The following CDKAL1 variants were observed in gnomAD, a reference collection of about 807,000 sequenced individuals.
CDKAL1 encodes CDKAL1 threonylcarbamoyladenosine tRNA methylthiotransferase.
A neutral mutation model predicts 68.2 loss-of-function variants in CDKAL1; 32 were observed. That is an observed-to-expected ratio of 0.47 (90% CI 0.35 to 0.63). The LOEUF is 0.63. Among genes scored for constraint, CDKAL1 ranks in the 30% least tolerant of loss-of-function variants. The pLI is 0.00. For synonymous variants in CDKAL1, 234 were observed against 244.3 expected (o/e 0.96, Z 0.39); for missense variants, 606 against 696.7 (o/e 0.87, Z 1.47).
chr6:20,842,733 A>G lies in CDKAL1; in HGVS notation c.639-3342A>G, dbSNP rs537762396. On this transcript the variant is annotated intron_variant, in intron 8 of 15. Coordinates refer to ENST00000274695, the MANE Select transcript of CDKAL1 (RefSeq NM_017774.3). ...GTAGTCCCAGCTACTCGGGAGCCTG[A>G]GGCAGGAGAATCGCTTGAACCCGGG... 1.0e-3 allele frequency among the ~76,000 whole-genome samples: 159 copies of G among 152,306 alleles called. 3 individuals are homozygous for G. Among genetic ancestry groups the G allele is most frequent in the Admixed American group, 0.01 (158 of 15,298 alleles).
At chr6:21,066,545 A>G (rs1771448737) in intron 12 of CDKAL1, among the ~76,000 whole-genome samples, 1 of 152,230 alleles carries the variant, frequency 6.6e-6, no homozygotes, top group Non-Finnish European at 1.5e-5. Flanking sequence ...AGTGCAACCT[A>G]CTACATGACA....
intron 7 of CDKAL1, among the ~76,000 whole-genome samples, chr6:20,773,673 G>C (rs924963390): frequency 3.3e-5 from 5 of 151,728 alleles, no homozygotes; most frequent in Admixed American, 6.6e-5. Flanking sequence ...TCAGCCTCCC[G>C]AGTAGCTGGG....
intron 4 of CDKAL1, among the ~76,000 whole-genome samples, chr6:20,557,930 T>TAAAC (rs200158880): frequency 0.034 from 5,234 of 152,040 alleles, 287 homozygotes; most frequent in African/African-American, 0.12. Context: ...GACTCCGTCT[T>TAAAC]AAACAAACAA....
intron 12 of CDKAL1, among the ~76,000 whole-genome samples, chr6:21,082,106 A>G (rs1444084606): frequency 6.6e-6 from 1 of 152,204 alleles, no homozygotes; most frequent in Non-Finnish European, 1.5e-5. Flanking sequence ...ATTAAGGACA[A>G]TATAATCAAA....
At chr6:20,735,444 A>G (rs191670811) in intron 5 of CDKAL1, among the ~76,000 whole-genome samples, 8 of 152,230 alleles carry the variant, frequency 5.3e-5, no homozygotes, top group African/African-American at 1.9e-4. Context: ...CTTATAAACC[A>G]TCAGATCTCA....
intron 5 of CDKAL1, among the ~76,000 whole-genome samples, chr6:20,693,603 T>G (rs1011847903): frequency 1.3e-5 from 2 of 152,216 alleles, no homozygotes; most frequent in Non-Finnish European, 2.9e-5. Context: ...TTAATATACT[T>G]TATATTAGCC....
At chr6:21,160,513 G>A (rs1302544473) in intron 13 of CDKAL1, among the ~76,000 whole-genome samples, 1 of 150,088 alleles carries the variant, frequency 6.7e-6, no homozygotes, top group Admixed American at 6.6e-5. Flanking sequence ...GGTCAGGCTG[G>A]TCTCGAACTT....
At chr6:20,981,361 T>A (rs986612586) in intron 10 of CDKAL1, among the ~76,000 whole-genome samples, 7 of 152,188 alleles carry the variant, frequency 4.6e-5, no homozygotes, top group African/African-American at 1.7e-4. Context: ...TTACTCAGAG[T>A]AGCTTCATAC....
intron 13 of CDKAL1, among the ~76,000 whole-genome samples, chr6:21,147,889 A>T (rs1028686190): frequency 6.6e-6 from 1 of 152,162 alleles, no homozygotes; most frequent in Admixed American, 6.5e-5. Flanking sequence ...CTTACTTTTT[A>T]ACTAATTCAT....
At chr6:20,683,469 A>C (rs1344284472) in intron 5 of CDKAL1, among the ~76,000 whole-genome samples, 2 of 152,232 alleles carry the variant, frequency 1.3e-5, no homozygotes, top group African/African-American at 4.8e-5. Flanking sequence ...GCAGAAAATT[A>C]CTTATTGATA....
At chr6:20,867,883 T>C (rs562906289) in intron 9 of CDKAL1, among the ~76,000 whole-genome samples, 1 of 152,286 alleles carries the variant, frequency 6.6e-6, no homozygotes, top group East Asian at 1.9e-4. Flanking sequence ...CATTAATTCA[T>C]TGTTGCTCAC....
chr6:21,071,997 T>C (rs1283911303), intron 12 of CDKAL1, among the ~76,000 whole-genome samples: 1 of 152,356 alleles, frequency 6.6e-6, no homozygotes, highest in East Asian at 1.9e-4. Context: ...TCACTGAAGA[T>C]GGCACTGGGA....
intron 11 of CDKAL1, among the ~76,000 whole-genome samples, chr6:21,058,930 C>A (rs551360848): frequency 6.6e-6 from 1 of 152,218 alleles, no homozygotes; most frequent in Non-Finnish European, 1.5e-5. Flanking sequence ...CTCTGGCTGC[C>A]CCTTGGTGGA....
intron 13 of CDKAL1, among the ~76,000 whole-genome samples, chr6:21,168,253 C>T (rs1562087582): frequency 6.6e-6 from 1 of 152,210 alleles, no homozygotes; most frequent in South Asian, 2.1e-4. Context: ...TCCTCCTCCT[C>T]CTGAGAACCA....
chr6:21,216,611 C>T (rs775595704), intron 15 of CDKAL1, among the ~76,000 whole-genome samples: 1 of 152,078 alleles, frequency 6.6e-6, no homozygotes. Context: ...GTAAAGGAAA[C>T]GTGCTAATGG....
intron 11 of CDKAL1, 127 bp downstream of exon 11, chr6:21,000,499 A>G (rs1767371888): frequency 3.8e-6 from 3 of 788,582 alleles, no homozygotes; most frequent in Non-Finnish European, 2.0e-6. Context: ...CGAAGCTTTC[A>G]AAGCCTTTAA....
intron 10 of CDKAL1, among the ~76,000 whole-genome samples, chr6:20,980,390 A>G (rs1279329454): frequency 6.6e-6 from 1 of 151,998 alleles, no homozygotes; most frequent in Non-Finnish European, 1.5e-5. Context: ...GGCGCCCGCC[A>G]CCATGCCTGG....
At chr6:20,964,359 G>A (rs1483292070) in intron 10 of CDKAL1, among the ~76,000 whole-genome samples, 1 of 152,008 alleles carries the variant, frequency 6.6e-6, no homozygotes, top group African/African-American at 2.4e-5. Context: ...CACATGCGTG[G>A]GTATGTTCAT....
chr6:21,222,522 A>G (rs1294771897), intron 15 of CDKAL1, among the ~76,000 whole-genome samples: 5 of 152,196 alleles, frequency 3.3e-5, no homozygotes, highest in Non-Finnish European at 7.3e-5. Context: ...ACATTGTTTT[A>G]ACTGACTTCA....
Sources: gnomAD v4.1 joint callset for allele counts (sites outside exome capture counted in the v4.1 genomes callset) on GRCh38, gnomAD v4.1.1 for gene constraint, MANE v1.5 for transcripts, NCBI Gene and HGNC (gene_info 2026-07-23, HGNC 2026-07-21) for gene names.